Variants in OR1L8 observed in about 807,000 individuals in gnomAD.
The protein encoded by OR1L8 is olfactory receptor 1L8.
For synonymous variants in OR1L8, 148 were observed against 147.0 expected, an observed-to-expected ratio of 1.01 and a Z score of -0.05; for missense variants, 330 against 377.4, an observed-to-expected ratio of 0.87 and a Z score of 1.04.
the OR1L8 span, chr9:122,553,813 T>G: frequency 1.9e-6 from 3 of 1,613,978 alleles, no homozygotes; most frequent in African/African-American, 4.0e-5. Context: ...AACGAGCTGA[T>G]GATCATCACC....
the OR1L8 span, chr9:122,554,274 C>T: frequency 2.7e-6 from 2 of 753,424 alleles, no homozygotes; most frequent in East Asian, 2.7e-5. Context: ...TCCGTTGACT[C>T]TGAGTTAGGG....
the OR1L8 span, among the ~76,000 whole-genome samples, chr9:122,550,139 A>G: frequency 2.6e-5 from 4 of 152,182 alleles, no homozygotes; most frequent in African/African-American, 9.6e-5. Flanking sequence ...GAATTCACAA[A>G]TGAGAAAACC....
the OR1L8 span, among the ~76,000 whole-genome samples, chr9:122,557,012 T>A: frequency 6.6e-6 from 1 of 152,190 alleles, no homozygotes; most frequent in Admixed American, 6.5e-5. Flanking sequence ...AATGGTGTTG[T>A]GTTTTTAATT....
chr9:122,554,190 C>A, the OR1L8 span: 3 of 1,538,164 alleles, frequency 2.0e-6, no homozygotes, highest in Non-Finnish European at 2.7e-6. Context: ...GATGTCTAAT[C>A]TTGATCAACC....
chr9:122,563,884 G>A (rs564588588), downstream of OR1L8, among the ~76,000 whole-genome samples: 1 of 152,224 alleles, frequency 6.6e-6, no homozygotes, highest in Non-Finnish European at 1.5e-5. Context: ...TTCCCAATGT[G>A]TATTCTTCAC....
the OR1L8 span, among the ~76,000 whole-genome samples, chr9:122,559,312 T>A: frequency 1.3e-5 from 2 of 152,056 alleles, no homozygotes; most frequent in Non-Finnish European, 2.9e-5. Context: ...TTTTATTTTT[T>A]TTTATTTTAC....
At chr9:122,566,652 C>T (rs1004012214), downstream of OR1L8, among the ~76,000 whole-genome samples, 1 of 152,166 alleles carries the variant, frequency 6.6e-6, no homozygotes, top group Non-Finnish European at 1.5e-5. Flanking sequence ...CTATTATAAA[C>T]TGGGATTTCC....
At chr9:122,565,610 G>C (rs1193832080), downstream of OR1L8, among the ~76,000 whole-genome samples, 1 of 152,214 alleles carries the variant, frequency 6.6e-6, no homozygotes, top group African/African-American at 2.4e-5. Flanking sequence ...CAATTACTTG[G>C]TGGTATGTTG....
At chr9:122,581,681 T>C (rs951137907) in intron 1 of OR1L8, among the ~76,000 whole-genome samples, 32 of 152,162 alleles carry the variant, frequency 2.1e-4, no homozygotes, top group African/African-American at 7.7e-4. Flanking sequence ...GCACAGTGGC[T>C]CATGTCTGTA....
chr9:122,580,842 A>G (rs1436636348), intron 1 of OR1L8, among the ~76,000 whole-genome samples: 1 of 149,332 alleles, frequency 6.7e-6, no homozygotes, highest in Non-Finnish European at 1.5e-5. Context: ...TACACTGTGG[A>G]TCAATAAAAC....
chr9:122,554,241 A>G, the OR1L8 span: 17 of 1,092,938 alleles, frequency 1.6e-5, no homozygotes, highest in Non-Finnish European at 2.3e-5. Flanking sequence ...TACTACTGTC[A>G]TGTTGATATT....
the OR1L8 span, chr9:122,553,499 G>C: frequency 0.5 from 806,874 of 1,613,500 alleles, 203,782 homozygotes; most frequent in East Asian, 0.62. Context: ...AGATCATCTC[G>C]TATTCTGGGT....
At chr9:122,547,952 C>G in the OR1L8 span, among the ~76,000 whole-genome samples, 1 of 152,082 alleles carries the variant, frequency 6.6e-6, no homozygotes, top group Non-Finnish European at 1.5e-5. Flanking sequence ...CCACCAACAT[C>G]TATTATTTTT....
chr9:122,546,577 G>T, the OR1L8 span, among the ~76,000 whole-genome samples: 109 of 152,150 alleles, frequency 7.2e-4, 1 homozygote, highest in East Asian at 0.02. Context: ...AAATGCTACG[G>T]ATACAACTAG....
rs544631419 is a variant in OR1L8, at chr9:122,578,058, A to T, written c.-478+266T>A. ...GGTGAGAATGTAAATTAGTACAACC[A>T]CTATGGAAAACAGTGTGGAGATTCA... On this transcript the variant is annotated intron_variant, in intron 2 of 4. Coordinates refer to ENST00000641027, the MANE Select transcript of OR1L8 (RefSeq NM_001004454.2). 1.8e-4 allele frequency among the ~76,000 whole-genome samples: 27 copies of T among 152,366 alleles called. No individual in the cohort carries two copies. In the South Asian group the frequency reaches 5.2e-3, roughly 29 times the overall value.
chr9:122,562,210 A>G (rs887824090), downstream of OR1L8, among the ~76,000 whole-genome samples: 4 of 152,236 alleles, frequency 2.6e-5, no homozygotes, highest in South Asian at 8.3e-4. Flanking sequence ...ACCTGGAGCT[A>G]TAGAGATGGC....
intron 1 of OR1L8, among the ~76,000 whole-genome samples, chr9:122,578,839 A>C (rs921336383): frequency 1.3e-5 from 2 of 152,140 alleles, no homozygotes; most frequent in Non-Finnish European, 2.9e-5. Context: ...AAAAGACTAC[A>C]CACTGGGTAC....
rs1178612275 is a variant in OR1L8, at chr9:122,568,229, C to T, written c.249G>A (p.Leu83=). The T allele has an allele frequency of 1.9e-6, 3 of 1,614,024 alleles. No homozygotes were observed. Among genetic ancestry groups the T allele is most frequent in the African/African-American group, 2.7e-5 (2 of 74,910 alleles). Reference sequence around the variant, plus strand: ...TCTTCTTTTCTGACAGGAAGTTCATCAGCATCTTGGGGACAACGCTTGTTG... The same window carrying T: ...TCTTCTTTTCTGACAGGAAGTTCATTAGCATCTTGGGGACAACGCTTGTTG... ...CFTTSVVPKM[L]MNFLSEKKTI... The change falls in exon 5 of 5, where the codon CTG becomes CTA. Residue 83 remains leucine, a synonymous_variant. Transcript: ENST00000641027.
At chr9:122,565,692 C>T (rs1829418125), downstream of OR1L8, among the ~76,000 whole-genome samples, 1 of 152,226 alleles carries the variant, frequency 6.6e-6, no homozygotes, top group Non-Finnish European at 1.5e-5. Context: ...TAATACCTGA[C>T]AGGTAGTTTT....
Sources: gnomAD v4.1 joint callset for allele counts (sites outside exome capture counted in the v4.1 genomes callset) on GRCh38, gnomAD v4.1.1 for gene constraint, MANE v1.5 for transcripts, NCBI Gene and HGNC (gene_info 2026-07-23, HGNC 2026-07-21) for gene names.